The following CFAP46 variants were observed in gnomAD, a reference collection of about 807,000 sequenced individuals.
The protein encoded by CFAP46 is cilia- and flagella-associated protein 46.
CFAP46 carries 245 observed loss-of-function variants against 325.7 expected under a neutral mutation model. The ratio of observed to expected loss-of-function variants is 0.75; its 90% CI spans 0.68 to 0.84. The LOEUF (loss-of-function observed/expected upper bound fraction) is 0.84. Among genes scored for constraint, CFAP46 ranks in the 40% least tolerant of loss-of-function variants. The pLI is 0.00. For synonymous variants in CFAP46, 1,523 were observed against 1,495.9 expected, an observed-to-expected ratio of 1.02 and a Z score of -0.42; for missense variants, 3,346 against 3,543.0, an observed-to-expected ratio of 0.94 and a Z score of 1.41.
chr10:132,882,153 T>C (rs1465580602), intron 27 of CFAP46, among the ~76,000 whole-genome samples: 1 of 144,282 alleles, frequency 6.9e-6, no homozygotes, highest in African/African-American at 2.6e-5. Context: ...GTGTGGGATG[T>C]GGGGTGTGAG....
At chr10:132,837,935 A>ACGGACACAGACACGCACGTGTGCG (rs1848292107) in intron 44 of CFAP46, among the ~76,000 whole-genome samples, 2 of 152,118 alleles carry the variant, frequency 1.3e-5, no homozygotes, top group African/African-American at 4.8e-5. Flanking sequence ...GCAGACATGC[A>ACGGACACAGACACGCACGTGTGCG]CGGACACAGA....
At position 132,942,011 on chromosome 10, in the gene CFAP46, A is replaced by T. The variant is rs752609974; in HGVS notation, c.143T>A (p.Leu48Gln). The T allele has an allele frequency of 1.9e-6, 3 of 1,551,854 alleles. No homozygotes were observed. Among genetic ancestry groups the T allele is most frequent in the East Asian group, 4.9e-5 (2 of 40,916 alleles). Reference protein sequence around the residue: ...FDPSESFSPDLFVLCAEQALK... With the variant: ...FDPSESFSPDQFVLCAEQALK... Reference sequence around the variant, plus strand: ...GGCCTGCTCTGCACACAGAACAAACAGGTCTGGGCTGAAGCTCTCTGAGGG... The same window carrying T: ...GGCCTGCTCTGCACACAGAACAAACTGGTCTGGGCTGAAGCTCTCTGAGGG... Residue 48 changes from leucine (L) to glutamine (Q), a missense_variant, in exon 2 of 58, where the codon CTG (leucine) becomes CAG (glutamine). Coordinates refer to ENST00000368586, the MANE Select transcript of CFAP46 (RefSeq NM_001200049.3).
Position 132,885,093 on chromosome 10 carries a change from G to A in CFAP46, c.3627+10C>T, listed in dbSNP as rs925113052. The stretch of plus-strand genomic sequence containing the variant: ...TTTTACCACGTGCACCCACGCTTAC[G>A]GCTTCACACCTGCAAGGCCTGGATG... On this transcript the variant is annotated intron_variant, in intron 27 of 57. Transcript: ENST00000368586. 1.9e-5 allele frequency: 29 copies of A among 1,537,942 alleles called. No homozygotes were observed. The highest frequency in any genetic ancestry group is 1.4e-4 in the Admixed American group (7 of 50,128).
chr10:132,941,567 T>C (rs368289606), intron 3 of CFAP46, 24 bp downstream of exon 3: 1 of 1,605,740 alleles, frequency 6.2e-7, no homozygotes, highest in Non-Finnish European at 8.5e-7. Flanking sequence ...CTGTTGGGGA[T>C]AAGGGGCACA....
At position 132,867,693 on chromosome 10, in the gene CFAP46, G is replaced by C. The variant is rs553568854; in HGVS notation, c.4611-186C>G. Among the ~76,000 whole-genome samples the C allele has an allele frequency of 7.2e-5, 11 of 152,330 alleles. No homozygotes were observed. The South Asian group carries it at 1.4e-3, about 20-fold the overall frequency. Reference sequence around the variant, plus strand: ...GACTCCCAAATTTGTGTCCATCACTGGTTCTCTCTTCCAAACTCCAAGGTC... The same window carrying C: ...GACTCCCAAATTTGTGTCCATCACTCGTTCTCTCTTCCAAACTCCAAGGTC... On this transcript the variant is annotated intron_variant, in intron 33 of 57. Coordinates refer to ENST00000368586, the MANE Select transcript of CFAP46 (RefSeq NM_001200049.3).
chr10:132,837,542 CAG>C (rs36142341), intron 44 of CFAP46, among the ~76,000 whole-genome samples: 2,584 of 150,930 alleles, frequency 0.017, 58 homozygotes, highest in Non-Finnish European at 0.029. Flanking sequence ...CACACGTACA[CAG>C]ATGCGCACAC....
intron 55 of CFAP46, 32 bp downstream of exon 55, chr10:132,812,753 G>T: frequency 6.5e-7 from 1 of 1,535,848 alleles, no homozygotes; most frequent in Non-Finnish European, 9.0e-7. Context: ...CTGTGCCCGC[G>T]GGGGAGGGGG....
chr10:132,942,418 T>C lies in CFAP46; in HGVS notation c.49+18A>G, dbSNP rs1850122170. ...CGGGGCCTCCCCGGGGCGGGGGTCG[T>C]GGCGGGCCTGGGGTCACCTTGCTGG... On this transcript the variant is annotated intron_variant, in intron 1 of 57. Transcript: ENST00000368586. 2 of 1,354,140 alleles carry C rather than the reference T, an allele frequency of 1.5e-6. No homozygotes were observed. The highest frequency in any genetic ancestry group is 1.9e-6 in the Non-Finnish European group (2 of 1,060,280). The allele number at this position is 1,354,140 out of a possible 1,614,324, so 83.9% of individuals were successfully genotyped here. A position where few individuals can be genotyped will look rare whatever the true frequency, so the allele number is the denominator to read the frequency against.
chr10:132,842,454 T>C (rs1231225422), intron 44 of CFAP46, among the ~76,000 whole-genome samples: 1 of 152,178 alleles, frequency 6.6e-6, no homozygotes, highest in Non-Finnish European at 1.5e-5. Context: ...CATCTTGTCT[T>C]CCAGGCAGGC....
At chr10:132,848,985 T>C (rs1377977883) in intron 41 of CFAP46, among the ~76,000 whole-genome samples, 1 of 152,214 alleles carries the variant, frequency 6.6e-6, no homozygotes, top group Non-Finnish European at 1.5e-5. Flanking sequence ...CAGAAAAACC[T>C]TGATTTAAGC....
rs1848864731 is a variant in CFAP46 at position 132,869,364 on chromosome 10, T to C, written c.4520A>G (p.His1507Arg). Residue 1507 changes from histidine (H) to arginine (R), a missense_variant, in exon 33 of 58, where the codon CAC (histidine) becomes CGC (arginine). Physicochemically the swap from His to Arg is conservative, Grantham distance 29. Coordinates refer to ENST00000368586, the MANE Select transcript of CFAP46 (RefSeq NM_001200049.3). This position sits in a 1 kb window ranked among gnomAD's most constrained non-coding sequence, Gnocchi z 6.2. Reference protein sequence around the residue: ...LSDLYHLRLAHACSELKLREA... With the variant: ...LSDLYHLRLARACSELKLREA... Reference sequence around the variant, plus strand: ...TCTCAGCTTCAGCTCGGAGCACGCGTGGGCGAGGCTGTGGGGAGTGTGGCC... The same window carrying C: ...TCTCAGCTTCAGCTCGGAGCACGCGCGGGCGAGGCTGTGGGGAGTGTGGCC... 2 of 1,529,478 alleles carry C rather than the reference T, an allele frequency of 1.3e-6. No individual in the cohort carries two copies. Among genetic ancestry groups the C allele is most frequent in the East Asian group, 4.9e-5 (2 of 40,414 alleles). The allele number at this position is 1,529,478 out of a possible 1,614,324, so 94.7% of individuals were successfully genotyped here.
chr10:132,918,468 A>C lies in CFAP46; in HGVS notation c.1911T>G (p.Pro637=). The C allele has an allele frequency of 6.5e-7, 1 of 1,548,412 alleles. No individual in the cohort carries two copies. Residue 637 remains proline, a synonymous_variant, in exon 16 of 58, where the codon CCT becomes CCG. Transcript: ENST00000368586. Reference sequence around the variant, plus strand: ...ACACCTGCCTCTGCAGGACGACCTCAGGCTGGCTCCAGGTGTCCTGCACCG... The same window carrying C: ...ACACCTGCCTCTGCAGGACGACCTCCGGCTGGCTCCAGGTGTCCTGCACCG... The part of the protein sequence containing the change: ...DGSVQDTWSQ[P]EVVLQRQVCP...
chr10:132,920,207 G>A, intron 13 of CFAP46, 25 bp from the exon 14 acceptor site: 5 of 1,514,694 alleles, frequency 3.3e-6, no homozygotes, highest in Middle Eastern at 1.8e-4. Context: ...GCAAAGGCAG[G>A]TGTTGCAGCT....
chr10:132,922,526 TG>T lies in CFAP46; in HGVS notation c.1438del (p.Gln480ArgfsTer34). On this transcript the variant is annotated frameshift_variant, in exon 12 of 58. Coordinates refer to ENST00000368586, the MANE Select transcript of CFAP46 (RefSeq NM_001200049.3). LOFTEE classifies it high-confidence loss of function. The part of the protein sequence containing the change: ...TRLRLCTTLY[Q>X]APERAEDKAI... ...CTTGTCCTCTGCGCGCTCAGGGGCC[TG>T]GTATAGCGTGGTGCACAGACGCAGC... is the stretch of plus-strand genomic sequence containing the variant. 6.5e-7 allele frequency: 1 copy of T among 1,546,578 alleles called. No individual in the cohort carries two copies.
At chr10:132,914,807 A>T (rs1192957670) in intron 17 of CFAP46, among the ~76,000 whole-genome samples, 2 of 150,440 alleles carry the variant, frequency 1.3e-5, no homozygotes, top group Admixed American at 1.3e-4. Flanking sequence ...GTGTCCAGCC[A>T]CACTGCACCC....
chr10:132,931,790 A>ACCTTCCTCCTCCCCACACAGAGCCTGGG (rs1849910518), intron 8 of CFAP46, among the ~76,000 whole-genome samples: 6 of 64,690 alleles, frequency 9.3e-5, no homozygotes, highest in Admixed American at 1.9e-4. Flanking sequence ...CAGAGCCTGG[A>ACCTTCCTCCTCCCCACACAGAGCCTGGG]CCTTCCTCCT....
intron 48 of CFAP46, among the ~76,000 whole-genome samples, chr10:132,834,414 C>A (rs1848203215): frequency 6.6e-6 from 1 of 152,184 alleles, no homozygotes; most frequent in African/African-American, 2.4e-5. Flanking sequence ...TGCCCTCCCA[C>A]CCCACACTTG....
At chr10:132,874,288 C>A (rs1041532268) in intron 31 of CFAP46, among the ~76,000 whole-genome samples, 18 of 152,332 alleles carry the variant, frequency 1.2e-4, no homozygotes, top group Non-Finnish European at 2.2e-4. Flanking sequence ...CACAGCCAAG[C>A]TGCCCTATTG....
chr10:132,880,893 C>T lies in CFAP46; in HGVS notation c.3767G>A (p.Gly1256Asp), dbSNP rs1849032582. Residue 1256 changes from glycine to aspartate, a missense_variant, in exon 28 of 58, where the codon GGC becomes GAC. Physicochemically the swap from Gly to Asp is moderately conservative, Grantham distance 94 (BLOSUM62 -1). Coordinates refer to ENST00000368586, the MANE Select transcript of CFAP46 (RefSeq NM_001200049.3). ...VEILLAMKPPGDVPEPQPTPD... is the reference protein window; with the variant it reads ...VEILLAMKPPDDVPEPQPTPD... Reference sequence around the variant, plus strand: ...CGTGGGCTGTGGCTCAGGGACATCGCCGGGCGGCTTCATGGCCAGCAGGAT... The same window carrying T: ...CGTGGGCTGTGGCTCAGGGACATCGTCGGGCGGCTTCATGGCCAGCAGGAT... The T allele has an allele frequency of 6.5e-7, 1 of 1,549,758 alleles. No homozygotes were observed. Among genetic ancestry groups the T allele is most frequent in the African/African-American group, 1.4e-5 (1 of 73,064 alleles).
Sources: gnomAD v4.1 joint callset for allele counts (sites outside exome capture counted in the v4.1 genomes callset) on GRCh38, gnomAD v4.1.1 for gene constraint, Gnocchi (gnomAD v3.1) non-coding constraint, MANE v1.5 for transcripts, NCBI Gene and HGNC (gene_info 2026-07-23, HGNC 2026-07-21) for gene names.